The following RPS6KC1 variants were observed in gnomAD, a reference collection of about 807,000 sequenced individuals.
RPS6KC1 encodes the protein inactive ribosomal protein S6 kinase delta-1.
RPS6KC1 carries 54 observed loss-of-function variants against 103.8 expected under a neutral mutation model. The observed-to-expected ratio is 0.52, with a 90% CI of 0.42 to 0.65. The LOEUF (loss-of-function observed/expected upper bound fraction) is 0.65. Ranked by LOEUF, RPS6KC1 falls within the 30% of genes least tolerant of loss-of-function variation. The probability of loss-of-function intolerance (pLI) is 0.00; values close to 1 mark genes in which losing one functional copy is unlikely to be tolerated. For missense variants in RPS6KC1, 1,151 were observed against 1,253.8 expected (o/e 0.92, Z 1.24); for synonymous variants, 439 against 438.7 (o/e 1.00, Z -0.01).
chr1:213,854,477 T>C, the RPS6KC1 span, among the ~76,000 whole-genome samples: 2 of 152,148 alleles, frequency 1.3e-5, no homozygotes, highest in Non-Finnish European at 2.9e-5. Flanking sequence ...CAAAGTACTG[T>C]ACTCTCTGTA....
the RPS6KC1 span, among the ~76,000 whole-genome samples, chr1:213,722,415 G>A: frequency 0.025 from 3,833 of 152,016 alleles, 166 homozygotes; most frequent in African/African-American, 0.087. Context: ...ACAGTTACAC[G>A]TCCCAATATT....
the RPS6KC1 span, among the ~76,000 whole-genome samples, chr1:213,726,299 T>G: frequency 6.6e-6 from 1 of 152,182 alleles, no homozygotes; most frequent in Non-Finnish European, 1.5e-5. Flanking sequence ...GGTCTTGAAT[T>G]TCTGACCCCA....
chr1:213,724,906 A>G, the RPS6KC1 span, among the ~76,000 whole-genome samples: 1 of 152,176 alleles, frequency 6.6e-6, no homozygotes, highest in Non-Finnish European at 1.5e-5. Flanking sequence ...TTATAGTCAA[A>G]GAAACTGAGG....
chr1:213,179,326 A>T lies in RPS6KC1; in HGVS notation c.1044+2834A>T, dbSNP rs566601586. Reference sequence around the variant, plus strand: ...GCTACTCGGGAGGCTGAGGCAGGAGAATTGTGTGAACCCGGGAGGTGGAGG... The same window carrying T: ...GCTACTCGGGAGGCTGAGGCAGGAGTATTGTGTGAACCCGGGAGGTGGAGG... On this transcript the variant is annotated intron_variant, in intron 8 of 14. Transcript: ENST00000366960. Among the ~76,000 whole-genome samples, 5 of 151,956 alleles carry T rather than the reference A, an allele frequency of 3.3e-5. No individual in the cohort carries two copies. In the East Asian group the frequency reaches 9.8e-4, roughly 30 times the overall value.
chr1:213,182,094 T>C (rs1180374619), intron 8 of RPS6KC1, among the ~76,000 whole-genome samples: 3 of 152,202 alleles, frequency 2.0e-5, no homozygotes, highest in African/African-American at 7.2e-5. Context: ...GTTTTTATGC[T>C]TAGCTTGAAA....
the RPS6KC1 span, among the ~76,000 whole-genome samples, chr1:213,777,041 T>G: frequency 6.6e-6 from 1 of 152,230 alleles, no homozygotes; most frequent in African/African-American, 2.4e-5. Context: ...AGGCTTTAGC[T>G]TAAGGAAATG....
chr1:213,591,717 T>C, the RPS6KC1 span, among the ~76,000 whole-genome samples: 5 of 152,150 alleles, frequency 3.3e-5, no homozygotes, highest in South Asian at 2.1e-4. Context: ...AGGGGGGTGC[T>C]TTTGGGAGCA....
the RPS6KC1 span, among the ~76,000 whole-genome samples, chr1:213,705,615 G>A: frequency 6.6e-6 from 1 of 152,208 alleles, no homozygotes; most frequent in East Asian, 1.9e-4. Flanking sequence ...CTGGTACATA[G>A]AACGTAAAAC....
chr1:213,319,763 C>T, the RPS6KC1 span, among the ~76,000 whole-genome samples: 1 of 152,172 alleles, frequency 6.6e-6, no homozygotes, highest in Non-Finnish European at 1.5e-5. Flanking sequence ...TAATTTGAGC[C>T]CTCTCTCCAA....
At chr1:213,771,387 A>G in the RPS6KC1 span, among the ~76,000 whole-genome samples, 1 of 152,210 alleles carries the variant, frequency 6.6e-6, no homozygotes, top group East Asian at 1.9e-4. Flanking sequence ...CTCAGTAATT[A>G]TGAGGGTGGG....
chr1:213,736,876 C>A, the RPS6KC1 span, among the ~76,000 whole-genome samples: 1 of 152,058 alleles, frequency 6.6e-6, no homozygotes, highest in African/African-American at 2.4e-5. Context: ...TGTTTTAGGC[C>A]AATATTAGGG....
chr1:213,719,512 A>G, the RPS6KC1 span, among the ~76,000 whole-genome samples: 31 of 152,170 alleles, frequency 2.0e-4, no homozygotes, highest in Non-Finnish European at 2.6e-4. Context: ...CTGAAGCAAA[A>G]GTTTCTGGAA....
the RPS6KC1 span, among the ~76,000 whole-genome samples, chr1:213,545,415 T>TAAAA: frequency 5.9e-3 from 535 of 89,976 alleles, 2 homozygotes; most frequent in Non-Finnish European, 8.1e-3. Context: ...AATAAATAAA[T>TAAAA]AAAATAAAAT....
chr1:213,077,942 A>G (rs892779158), intron 3 of RPS6KC1, 126 bp downstream of exon 3: 2 of 449,454 alleles, frequency 4.4e-6, no homozygotes, highest in African/African-American at 4.1e-5. Context: ...ATATTGTTCA[A>G]CAGCACTTGA....
the RPS6KC1 span, among the ~76,000 whole-genome samples, chr1:213,532,061 G>A: frequency 6.6e-6 from 1 of 152,326 alleles, no homozygotes; most frequent in African/African-American, 2.4e-5. Flanking sequence ...ACAGAGACCT[G>A]GCATGCCAGG....
chr1:213,059,977 G>A (rs573453247), intron 1 of RPS6KC1, among the ~76,000 whole-genome samples: 21 of 152,100 alleles, frequency 1.4e-4, no homozygotes, highest in African/African-American at 3.1e-4. Context: ...GGCCACACCC[G>A]GCTGATTTTT....
the RPS6KC1 span, among the ~76,000 whole-genome samples, chr1:213,584,974 G>A: frequency 1.3e-5 from 2 of 152,150 alleles, no homozygotes; most frequent in East Asian, 1.9e-4. Context: ...AGTTTTCTTA[G>A]TATTAGGGCA....
the RPS6KC1 span, among the ~76,000 whole-genome samples, chr1:213,798,907 T>A: frequency 6.6e-6 from 1 of 152,162 alleles, no homozygotes; most frequent in African/African-American, 2.4e-5. Context: ...CAGCTCCAAG[T>A]CAGTGCCAAA....
At chr1:213,494,275 A>G in the RPS6KC1 span, among the ~76,000 whole-genome samples, 1 of 152,128 alleles carries the variant, frequency 6.6e-6, no homozygotes, top group African/African-American at 2.4e-5. Context: ...CTATTAAACT[A>G]CTGTGAAGAA....
Sources: allele counts gnomAD v4.1 joint callset (sites outside exome capture counted in the v4.1 genomes callset), GRCh38; gene constraint gnomAD v4.1.1; transcripts MANE v1.5; gene names NCBI Gene and HGNC (gene_info 2026-07-23, HGNC 2026-07-21).